The following SLC41A2 variants were observed in gnomAD, a reference collection of about 807,000 sequenced individuals.
SLC41A2 encodes the protein solute carrier family 41 member 2, also known as SLC41A1-like 1.
Under a neutral mutation model 58.3 loss-of-function variants are expected in SLC41A2, and 32 were observed. The ratio of observed to expected loss-of-function variants is 0.55; its 90% confidence interval spans 0.41 to 0.74. The LOEUF (loss-of-function observed/expected upper bound fraction) is 0.74, where lower values mean the gene tolerates loss of function less well. SLC41A2 is among the 30% of genes least tolerant of loss of function. The probability of loss-of-function intolerance (pLI) is 0.00; values close to 1 mark genes in which losing one functional copy is unlikely to be tolerated. For missense variants in SLC41A2, 514 were observed against 680.6 expected (o/e 0.76, Z 2.72); for synonymous variants, 190 against 235.0 (o/e 0.81, Z 1.75).
intron 9 of SLC41A2, 144 bp downstream of exon 9, chr12:104,845,699 C>G (rs549696334): frequency 1.5e-6 from 1 of 677,634 alleles, no homozygotes; most frequent in East Asian, 3.1e-5. Context: ...ATACACATGC[C>G]TTTTCATTCA....
At chr12:104,813,306 T>C (rs953995159) in intron 10 of SLC41A2, among the ~76,000 whole-genome samples, 13 of 152,084 alleles carry the variant, frequency 8.5e-5, no homozygotes, top group Non-Finnish European at 1.6e-4. Context: ...ATACACTACA[T>C]GGCTCTGTGA....
chr12:104,927,973 C>T lies in SLC41A2; in HGVS notation c.555G>A (p.Gln185=). 6.4e-7 allele frequency: 1 copy of T among 1,570,088 alleles called. No homozygotes were observed. Among genetic ancestry groups the T allele is most frequent in the Non-Finnish European group, 8.6e-7 (1 of 1,159,302 alleles). Residue 185 remains glutamine, a splice_region_variant and synonymous_variant, in exon 2 of 11, where the codon CAG becomes CAA. Coordinates refer to ENST00000258538, the MANE Select transcript of SLC41A2 (RefSeq NM_001352171.3). ...VSAGMVLDIV[Q]HWEVFRKVTE... The stretch of plus-strand genomic sequence containing the variant: ...AAGTTAAATAAAGATGAAAACCCAC[C>T]TGTACTATATCCAGTACCATGCCAG...
At chr12:104,888,515 A>G (rs1452584211) in intron 5 of SLC41A2, among the ~76,000 whole-genome samples, 1 of 152,182 alleles carries the variant, frequency 6.6e-6, no homozygotes, top group African/African-American at 2.4e-5. Flanking sequence ...GTTAATTTTT[A>G]AAACCTTCTG....
At chr12:104,923,317 G>A (rs1005679614) in intron 2 of SLC41A2, among the ~76,000 whole-genome samples, 4 of 146,428 alleles carry the variant, frequency 2.7e-5, no homozygotes, top group Non-Finnish European at 4.5e-5. Flanking sequence ...AGCCGTGATC[G>A]TGCCACTGCA....
At chr12:104,896,930 G>C (rs1256333613) in intron 3 of SLC41A2, among the ~76,000 whole-genome samples, 4 of 152,124 alleles carry the variant, frequency 2.6e-5, no homozygotes, top group African/African-American at 9.7e-5. Context: ...AGACACGCAG[G>C]TGTCCAGACT....
chr12:104,926,597 A>T (rs536758164), intron 2 of SLC41A2, among the ~76,000 whole-genome samples: 11 of 134,324 alleles, frequency 8.2e-5, no homozygotes, highest in African/African-American at 1.9e-4. Flanking sequence ...TAAAAAAAAT[A>T]AAAAAAAAAA....
intron 4 of SLC41A2, among the ~76,000 whole-genome samples, chr12:104,889,452 T>C (rs1312033951): frequency 6.6e-6 from 1 of 152,138 alleles, no homozygotes; most frequent in East Asian, 1.9e-4. Flanking sequence ...GTATAACTAA[T>C]AGATCACCTA....
intron 10 of SLC41A2, among the ~76,000 whole-genome samples, chr12:104,814,711 G>C (rs1487373754): frequency 1.3e-5 from 2 of 152,168 alleles, no homozygotes; most frequent in Non-Finnish European, 2.9e-5. Context: ...TAGGTAAAGG[G>C]CTAAGCAAAT....
At chr12:104,822,856 G>T (rs555779345) in intron 10 of SLC41A2, among the ~76,000 whole-genome samples, 11 of 151,960 alleles carry the variant, frequency 7.2e-5, no homozygotes, top group African/African-American at 2.4e-4. Flanking sequence ...CATAAAAAAG[G>T]TTAAGAAAAC....
At chr12:104,935,950 T>C (rs1232730805) in intron 1 of SLC41A2, among the ~76,000 whole-genome samples, 2 of 151,394 alleles carry the variant, frequency 1.3e-5, no homozygotes. Flanking sequence ...GGCTGAACCA[T>C]GAGAATTGGT....
intron 8 of SLC41A2, among the ~76,000 whole-genome samples, chr12:104,855,695 C>T (rs1271313993): frequency 6.6e-6 from 1 of 152,158 alleles, no homozygotes; most frequent in Non-Finnish European, 1.5e-5. Flanking sequence ...TTCTTGGCTA[C>T]AATAACATAG....
intron 3 of SLC41A2, among the ~76,000 whole-genome samples, chr12:104,908,327 C>T (rs566407916): frequency 1.2e-3 from 181 of 152,270 alleles, no homozygotes; most frequent in African/African-American, 4.3e-3. Flanking sequence ...CATTTTCTTT[C>T]CAAGCATCTG....
At position 104,940,090 on chromosome 12, in the gene SLC41A2, C is replaced by T. The variant is rs542157401; in HGVS notation, c.-167-11396G>A. On this transcript the variant is annotated intron_variant, in intron 1 of 10. Coordinates refer to ENST00000258538, the MANE Select transcript of SLC41A2 (RefSeq NM_001352171.3). ...GTGCAACGGCGTGATCTCGGCTCAC[C>T]GCAACCTCTGCCTCCCAGGTTCAAG... Among the ~76,000 whole-genome samples, 232 of 151,728 alleles carry T rather than the reference C, an allele frequency of 1.5e-3. 3 individuals carry two copies. The highest frequency in any genetic ancestry group is 3.4e-3 in the Middle Eastern group (1 of 292).
intron 8 of SLC41A2, among the ~76,000 whole-genome samples, chr12:104,859,979 A>G (rs1363030513): frequency 6.6e-6 from 1 of 152,070 alleles, no homozygotes; most frequent in Non-Finnish European, 1.5e-5. Context: ...ATGAGCTTGA[A>G]CGATCCACTT....
chr12:104,876,720 T>C (rs1221335314), intron 6 of SLC41A2, among the ~76,000 whole-genome samples: 1 of 152,188 alleles, frequency 6.6e-6, no homozygotes, highest in Non-Finnish European at 1.5e-5. Flanking sequence ...CTGGATAATG[T>C]TCCACGTGCA....
chr12:104,903,662 GC>G (rs1228254982), intron 3 of SLC41A2, among the ~76,000 whole-genome samples: 12 of 152,164 alleles, frequency 7.9e-5, no homozygotes, highest in Non-Finnish European at 1.8e-4. Context: ...CCTTTGCATT[GC>G]CTAGGGCATT....
At chr12:104,889,279 G>T in intron 4 of SLC41A2, 102 bp from the exon 5 acceptor site, 1 of 1,203,242 alleles carries the variant, frequency 8.3e-7, no homozygotes, top group Non-Finnish European at 1.2e-6. Flanking sequence ...AAAAAGTATT[G>T]CATGTAATAA....
intron 2 of SLC41A2, among the ~76,000 whole-genome samples, chr12:104,921,726 T>C (rs527359575): frequency 6.6e-6 from 1 of 152,312 alleles, no homozygotes; most frequent in African/African-American, 2.4e-5. Flanking sequence ...AATACTCTAA[T>C]ACTGTAATTA....
intron 8 of SLC41A2, among the ~76,000 whole-genome samples, chr12:104,846,703 C>G (rs2042611384): frequency 6.6e-6 from 1 of 152,188 alleles, no homozygotes; most frequent in Admixed American, 6.5e-5. Flanking sequence ...GATAGTTAAG[C>G]CTTCCAGGCT....
Sources: gnomAD v4.1 joint callset for allele counts (sites outside exome capture counted in the v4.1 genomes callset) on GRCh38, gnomAD v4.1.1 for gene constraint, MANE v1.5 for transcripts, NCBI Gene and HGNC (gene_info 2026-07-23, HGNC 2026-07-21) for gene names.